The following MDH1 variants were observed in gnomAD, a reference collection of about 807,000 sequenced individuals.
The protein encoded by MDH1 is malate dehydrogenase 1.
A neutral mutation model predicts 38.7 loss-of-function variants in MDH1; 15 were observed. The observed-to-expected ratio is 0.39, with a 90% CI of 0.26 to 0.60. MDH1 has a LOEUF of 0.60. Ranked by LOEUF, MDH1 falls within the 20% of genes least tolerant of loss-of-function variation. The pLI is 0.56. For synonymous variants in MDH1, 144 were observed against 143.6 expected (o/e 1.00, Z -0.02); for missense variants, 368 against 405.2 (o/e 0.91, Z 0.79).
chr2:63,598,030 T>G (rs1043230241), intron 4 of MDH1: 6 of 152,336 alleles, frequency 3.9e-5, no homozygotes, highest in African/African-American at 1.4e-4. Flanking sequence ...CTTGAAGAAT[T>G]GAGTCAGTAT....
chr2:63,604,673 G>A, intron 5 of MDH1, 23 bp from the exon 6 acceptor site: 3 of 1,591,168 alleles, frequency 1.9e-6, no homozygotes, highest in Non-Finnish European at 2.6e-6. Flanking sequence ...TCTCAGTAAT[G>A]TATTTGTTTT....
At chr2:63,591,928 A>C (rs1032697694) in intron 1 of MDH1, among the ~76,000 whole-genome samples, 1 of 152,232 alleles carries the variant, frequency 6.6e-6, no homozygotes, top group Non-Finnish European at 1.5e-5. Flanking sequence ...CCATTTTACT[A>C]TGGGGAAATA....
intron 3 of MDH1, among the ~76,000 whole-genome samples, chr2:63,596,139 G>A (rs145816932): frequency 5.3e-5 from 8 of 152,202 alleles, no homozygotes; most frequent in Non-Finnish European, 7.4e-5. Context: ...AAATTTGATC[G>A]AAAAGTTTAT....
chr2:63,592,614 C>T (rs952281283), intron 1 of MDH1, among the ~76,000 whole-genome samples: 1 of 152,192 alleles, frequency 6.6e-6, no homozygotes, highest in Non-Finnish European at 1.5e-5. Flanking sequence ...CCGCGCAATG[C>T]GCTGGGATTG....
At chr2:63,594,608 T>A (rs1004122759) in intron 2 of MDH1, 22 bp downstream of exon 2, 14 of 1,503,808 alleles carry the variant, frequency 9.3e-6, no homozygotes, top group Non-Finnish European at 1.3e-5. Context: ...TGTCTATAAA[T>A]CTTAAGTTAT....
At chr2:63,595,001 T>G (rs1280867741) in intron 2 of MDH1, 1 of 270,270 alleles carries the variant, frequency 3.7e-6, no homozygotes, top group Non-Finnish European at 7.1e-6. Flanking sequence ...CTGATTAATA[T>G]ACACTAAAAT....
intron 6 of MDH1, 142 bp downstream of exon 6, chr2:63,605,014 T>C: frequency 1.3e-6 from 1 of 754,392 alleles, no homozygotes; most frequent in East Asian, 2.7e-5. Flanking sequence ...AAGCCAGTCA[T>C]GATCTAGTGT....
At chr2:63,597,275 A>G (rs181135284) in intron 3 of MDH1, 124 bp from the exon 4 acceptor site, 15 of 1,246,410 alleles carry the variant, frequency 1.2e-5, no homozygotes, top group Admixed American at 4.1e-5. Flanking sequence ...CCTGAAATGT[A>G]TATCAGTGTG....
At chr2:63,594,839 T>C in intron 2 of MDH1, 1 of 357,114 alleles carries the variant, frequency 2.8e-6, no homozygotes, top group South Asian at 3.3e-5. Flanking sequence ...CAGGTGTCAG[T>C]CAATGGGAGA....
In MDH1 at chr2:63,599,087, T is replaced by G. The variant is rs1709372874; in HGVS notation, c.376-83T>G. 3 of 1,432,430 alleles carry G rather than the reference T, an allele frequency of 2.1e-6. No individual in the cohort carries two copies. In the Admixed American group the frequency reaches 5.9e-5, roughly 28 times the overall value. 88.7% of individuals were successfully genotyped at this position (1,432,430 alleles called of 1,614,324 possible). ...CCTCCCCTGTACAAAGGCTACCTGT[T>G]AGACATTTTCAGTCAAATTTTAACA... is the stretch of plus-strand genomic sequence containing the variant. On this transcript the variant is annotated intron_variant, in intron 4 of 8. Transcript: ENST00000233114.
At position 63,597,388 on chromosome 2, in the gene MDH1, C is replaced by T. The variant is rs758149938; in HGVS notation, c.200-11C>T. 2 of 1,357,634 alleles carry T rather than the reference C, an allele frequency of 1.5e-6. No homozygotes were observed. The highest frequency in any genetic ancestry group is 2.3e-5 in the South Asian group (1 of 44,260). The allele number at this position is 1,357,634 out of a possible 1,614,324, so 84.1% of individuals were successfully genotyped here. On this transcript the variant is annotated splice_polypyrimidine_tract_variant and intron_variant, in intron 3 of 8. Coordinates refer to ENST00000233114, the MANE Select transcript of MDH1 (RefSeq NM_005917.4). The stretch of plus-strand genomic sequence containing the variant: ...TTAAGTAGCTCTGCGTATTTATTGC[C>T]ATGTCCACAGATGTCATCGCAACAG...
intron 1 of MDH1, chr2:63,589,833 G>C (rs1314338134): frequency 4.8e-6 from 1 of 209,748 alleles, no homozygotes; most frequent in Non-Finnish European, 9.9e-6. Context: ...AATAATCTGC[G>C]TACTGCTTGA....
At chr2:63,592,454 G>C (rs1194645120) in intron 1 of MDH1, among the ~76,000 whole-genome samples, 1 of 152,168 alleles carries the variant, frequency 6.6e-6, no homozygotes, top group Non-Finnish European at 1.5e-5. Context: ...AGGCTCAAGT[G>C]ATTCTCCTAC....
intron 5 of MDH1, among the ~76,000 whole-genome samples, chr2:63,603,230 A>G (rs1367093931): frequency 6.6e-6 from 1 of 152,148 alleles, no homozygotes; most frequent in South Asian, 2.1e-4. Context: ...TGCTGGGATT[A>G]TAGGTGTGAG....
At position 63,589,477 on chromosome 2, in the gene MDH1, A is replaced by G. The variant is rs897603534; in HGVS notation, c.3+431A>G. 4 of 1,267,926 alleles carry G rather than the reference A, an allele frequency of 3.2e-6. No homozygotes were observed. The Admixed American group carries it at 7.9e-5, about 25-fold the overall frequency. 78.5% of individuals were successfully genotyped at this position (1,267,926 alleles called of 1,614,324 possible). A position where few individuals can be genotyped will look rare whatever the true frequency, so the allele number is the denominator to read the frequency against. On this transcript the variant is annotated intron_variant, in intron 1 of 8. Coordinates refer to ENST00000233114, the MANE Select transcript of MDH1 (RefSeq NM_005917.4). ...ACGGCTTTTGTCACAGGGACCTTGA[A>G]AGCAAAAAGCTGGAAAGGTAGTATT... is the stretch of plus-strand genomic sequence containing the variant.
intron 1 of MDH1, chr2:63,589,443 G>A: frequency 6.7e-7 from 1 of 1,502,362 alleles, no homozygotes; most frequent in Non-Finnish European, 9.1e-7. Flanking sequence ...TTTGCCCACA[G>A]TGTTTATAAC....
intron 1 of MDH1, 69 bp from the exon 2 acceptor site, chr2:63,594,419 G>A: frequency 8.7e-7 from 1 of 1,155,928 alleles, no homozygotes; most frequent in Admixed American, 1.7e-5. Flanking sequence ...TCTTACTATA[G>A]ATTAAAATCC....
At chr2:63,601,932 C>G (rs1212391014) in intron 5 of MDH1, among the ~76,000 whole-genome samples, 1 of 152,212 alleles carries the variant, frequency 6.6e-6, no homozygotes, top group Non-Finnish European at 1.5e-5. Flanking sequence ...TTCCCCAGTT[C>G]TTTCTGGTCA....
At chr2:63,602,034 C>A (rs183943827) in intron 5 of MDH1, among the ~76,000 whole-genome samples, 2 of 152,282 alleles carry the variant, frequency 1.3e-5, no homozygotes, top group Non-Finnish European at 2.9e-5. Context: ...ACCCCAGAAA[C>A]CCAACTGTGA....
Sources: allele counts gnomAD v4.1 joint callset (sites outside exome capture counted in the v4.1 genomes callset), GRCh38; gene constraint gnomAD v4.1.1; transcripts MANE v1.5; gene names NCBI Gene and HGNC (gene_info 2026-07-23, HGNC 2026-07-21).